The following USH2A variants were observed in gnomAD, a reference collection of about 807,000 sequenced individuals.
USH2A encodes the protein usherin, also known as Usher syndrome 2A (autosomal recessive, mild).
In USH2A, 443 loss-of-function variants were observed where a neutral mutation model predicts 538.9. The ratio of observed to expected loss-of-function variants is 0.82; its 90% CI spans 0.76 to 0.89. The LOEUF (loss-of-function observed/expected upper bound fraction) is 0.89. Among genes scored for constraint, USH2A ranks in the 40% least tolerant of loss-of-function variants. USH2A has a pLI of 0.00. For missense variants in USH2A, 6,633 were observed against 6,324.8 expected, an observed-to-expected ratio of 1.05 and a Z score of -1.65; for synonymous variants, 2,413 against 2,273.5, an observed-to-expected ratio of 1.06 and a Z score of -1.75.
At chr1:215,796,349 G>A (rs970621957) in intron 50 of USH2A, among the ~76,000 whole-genome samples, 52 of 151,960 alleles carry the variant, frequency 3.4e-4, no homozygotes, top group Admixed American at 2.7e-3. Context: ...TGTTCGCTTC[G>A]TGTCTCTGTC....
chr1:216,257,588 A>G (rs1346383001), intron 11 of USH2A, among the ~76,000 whole-genome samples: 1 of 151,742 alleles, frequency 6.6e-6, no homozygotes, highest in East Asian at 1.9e-4. Flanking sequence ...TTTTCAGTGT[A>G]CTGTACTTGG....
At chr1:216,349,620 T>A (rs1025444984) in intron 4 of USH2A, among the ~76,000 whole-genome samples, 1 of 152,182 alleles carries the variant, frequency 6.6e-6, no homozygotes, top group South Asian at 2.1e-4. Flanking sequence ...ACAAATGCCA[T>A]GTCAACATCA....
At chr1:216,323,357 G>A in intron 8 of USH2A, 117 bp downstream of exon 8, 1 of 938,368 alleles carries the variant, frequency 1.1e-6, no homozygotes, top group Non-Finnish European at 1.7e-6. Flanking sequence ...AAATCTTAGA[G>A]TATGAAATCA....
At chr1:216,060,146 A>C (rs2031124696) in intron 30 of USH2A, among the ~76,000 whole-genome samples, 1 of 152,222 alleles carries the variant, frequency 6.6e-6, no homozygotes, top group South Asian at 2.1e-4. Flanking sequence ...CCACTCCTCT[A>C]CACTAGTGTC....
rs747459658 is a variant in USH2A, at chr1:216,325,565, T to G, written c.883A>C (p.Arg295=). 1.2e-6 allele frequency: 2 copies of G among 1,613,384 alleles called. No individual in the cohort carries two copies. Among genetic ancestry groups the G allele is most frequent in the Non-Finnish European group, 1.7e-6 (2 of 1,179,636 alleles). Residue 295 remains arginine, a synonymous_variant, in exon 6 of 72, where the codon AGA becomes CGA. Transcript: ENST00000307340. The part of the protein sequence containing the change: ...ILEVFSGDLL[R]LHAQSHCRCP... ...CGGCAATGTGATTGGGCATGCAATC[T>G]GAGAAGATCTCCAGAGAAGACTTCC...
rs146325401 is a variant in USH2A, at chr1:215,639,213, C to T, written c.14994G>A (p.Thr4998=). The stretch of plus-strand genomic sequence containing the variant: ...GCGTCTTAACACTTCCTTCGTCAGT[C>T]GTGCAGATGACCTGGAAAAAGAAGG... ...DKTFFFQVIC[T]TDEGSVKTPL... The change falls in exon 69 of 72, where the codon ACG becomes ACA. Residue 4998 remains threonine, a synonymous_variant. Transcript: ENST00000307340. 18 of 1,614,016 alleles carry T rather than the reference C, an allele frequency of 1.1e-5. No individual in the cohort carries two copies. In the African/African-American group the frequency reaches 1.6e-4, roughly 14 times the overall value.
intron 11 of USH2A, among the ~76,000 whole-genome samples, chr1:216,254,180 T>C (rs1255070291): frequency 6.6e-6 from 1 of 152,210 alleles, no homozygotes; most frequent in African/African-American, 2.4e-5. Context: ...ATAATTTCTG[T>C]ATATTAACTA....
chr1:215,688,341 T>A lies in USH2A; in HGVS notation c.12067-7965A>T, dbSNP rs79101284. 4.2e-3 allele frequency among the ~76,000 whole-genome samples: 638 copies of A among 152,188 alleles called. 5 individuals carry two copies. Among genetic ancestry groups the A allele is most frequent in the African/African-American group, 0.015 (612 of 41,546 alleles). On this transcript the variant is annotated intron_variant, in intron 61 of 71. Transcript: ENST00000307340. ...ATGAGCAGGAGCTAGATGGTATCAA[T>A]CCTGGAGGCCAAGGTAAAGAGTTCA...
At chr1:216,403,778 A>T (rs1304299299) in intron 3 of USH2A, among the ~76,000 whole-genome samples, 1 of 152,170 alleles carries the variant, frequency 6.6e-6, no homozygotes, top group African/African-American at 2.4e-5. Flanking sequence ...CTTGAACTGT[A>T]TAATCCCCAT....
intron 30 of USH2A, among the ~76,000 whole-genome samples, chr1:216,057,817 C>T (rs1424748544): frequency 6.6e-6 from 1 of 152,152 alleles, no homozygotes; most frequent in Non-Finnish European, 1.5e-5. Flanking sequence ...CTGACGATTT[C>T]CTATTGTGGC....
At chr1:216,066,592 T>G (rs2031379683) in intron 30 of USH2A, among the ~76,000 whole-genome samples, 1 of 152,194 alleles carries the variant, frequency 6.6e-6, no homozygotes, top group African/African-American at 2.4e-5. Flanking sequence ...ATGCCACATG[T>G]CAAGCACTGT....
At chr1:215,639,584 A>G (rs1393590849) in intron 68 of USH2A, among the ~76,000 whole-genome samples, 1 of 152,200 alleles carries the variant, frequency 6.6e-6, no homozygotes, top group Non-Finnish European at 1.5e-5. Context: ...ACTTTCCACT[A>G]AATGACCTAG....
At chr1:216,120,862 G>A (rs1159291074) in intron 21 of USH2A, among the ~76,000 whole-genome samples, 2 of 151,676 alleles carry the variant, frequency 1.3e-5, no homozygotes, top group Non-Finnish European at 1.5e-5. Context: ...AAAAAGAAAA[G>A]CCAAAAAAAA....
At chr1:216,111,710 C>A (rs2032874545) in intron 21 of USH2A, among the ~76,000 whole-genome samples, 1 of 149,476 alleles carries the variant, frequency 6.7e-6, no homozygotes, top group Non-Finnish European at 1.5e-5. Flanking sequence ...TTTCAGGAAA[C>A]TACAGTATGG....
chr1:216,322,842 C>A (rs191405586), intron 8 of USH2A, among the ~76,000 whole-genome samples: 2 of 152,134 alleles, frequency 1.3e-5, no homozygotes, highest in East Asian at 3.9e-4. Flanking sequence ...CCAGAACAAT[C>A]CATTCTAAAT....
chr1:216,002,036 A>T (rs556890481), intron 32 of USH2A, among the ~76,000 whole-genome samples: 1 of 152,268 alleles, frequency 6.6e-6, no homozygotes, highest in East Asian at 1.9e-4. Flanking sequence ...TTTGAAGCTG[A>T]TGGTGAAGCA....
chr1:216,260,513 T>C (rs2036350241), intron 11 of USH2A, among the ~76,000 whole-genome samples: 1 of 152,196 alleles, frequency 6.6e-6, no homozygotes, highest in Admixed American at 6.5e-5. Flanking sequence ...TATACTGATA[T>C]GTAGCCAGGG....
chr1:215,762,513 A>G (rs2102744658), intron 56 of USH2A, among the ~76,000 whole-genome samples: 1 of 152,326 alleles, frequency 6.6e-6, no homozygotes, highest in Middle Eastern at 3.4e-3. Flanking sequence ...AGTTGGTAAT[A>G]ACTCCATGCC....
intron 69 of USH2A, among the ~76,000 whole-genome samples, chr1:215,636,249 T>G (rs887858486): frequency 6.6e-6 from 1 of 152,156 alleles, no homozygotes; most frequent in South Asian, 2.1e-4. Context: ...AGGGAAAGAC[T>G]TAAAGGAAAA....
Sources: allele counts gnomAD v4.1 joint callset (sites outside exome capture counted in the v4.1 genomes callset), GRCh38; gene constraint gnomAD v4.1.1; transcripts MANE v1.5; gene names NCBI Gene and HGNC (gene_info 2026-07-23, HGNC 2026-07-21).